The following TM4SF19 variants were observed in gnomAD, a reference collection of about 807,000 sequenced individuals.
TM4SF19 encodes transmembrane 4 L6 family member 19.
A neutral mutation model predicts 21.8 loss-of-function variants in TM4SF19; 17 were observed. The observed-to-expected ratio is 0.78, with a 90% CI of 0.53 to 1.17. TM4SF19 has a LOEUF of 1.17. TM4SF19 is among the 50% of genes most tolerant of loss of function. The probability of loss-of-function intolerance (pLI) is 0.00; values close to 1 mark genes in which losing one functional copy is unlikely to be tolerated. For synonymous variants in TM4SF19, 107 were observed against 106.7 expected (o/e 1.00, Z -0.02); for missense variants, 216 against 252.1 (o/e 0.86, Z 0.97).
chr3:196,325,671 G>A lies in TM4SF19; in HGVS notation c.280-1231C>T, dbSNP rs1727257011. 2 of 152,208 alleles carry A rather than the reference G, an allele frequency of 1.3e-5. No homozygotes were observed. Among genetic ancestry groups the A allele is most frequent in the Non-Finnish European group, 1.5e-5 (1 of 68,046 alleles). The allele number at this position is 152,208 out of a possible 1,614,324, so 9.4% of individuals were successfully genotyped here. A position where few individuals can be genotyped will look rare whatever the true frequency, so the allele number is the denominator to read the frequency against. ...GGGAGGGATCAGACAAAGGTGCATA[G>A]TAAGTTTTGACTCTGAGTTAAAGGA... On this transcript the variant is annotated intron_variant, in intron 3 of 4. Coordinates refer to ENST00000273695, the MANE Select transcript of TM4SF19 (RefSeq NM_138461.4). This position sits in a 1 kb window ranked among gnomAD's most constrained non-coding sequence, Gnocchi z 4.3.
rs756495396 is a variant in TM4SF19 at position 196,324,109 on chromosome 3, A to T, written c.450-112T>A. Reference sequence around the variant, plus strand: ...CTGACCGGGTCATGGGACTGGGCTCATGAGGGTGACCGTTACTGCTCCATT... The same window carrying T: ...CTGACCGGGTCATGGGACTGGGCTCTTGAGGGTGACCGTTACTGCTCCATT... On this transcript the variant is annotated intron_variant, in intron 4 of 4. Coordinates refer to ENST00000273695, the MANE Select transcript of TM4SF19 (RefSeq NM_138461.4). 2.1e-6 allele frequency: 3 copies of T among 1,458,180 alleles called. No individual in the cohort carries two copies. The East Asian group carries it at 7.1e-5, about 35-fold the overall frequency. The allele number at this position is 1,458,180 out of a possible 1,614,324, so 90.3% of individuals were successfully genotyped here. A position where few individuals can be genotyped will look rare whatever the true frequency, so the allele number is the denominator to read the frequency against.
chr3:196,327,631 G>C lies in TM4SF19; in HGVS notation c.-1-40C>G, dbSNP rs920122958. ...AAGGGAGTCGCAGCAGCTCTGCTGTGGGGGGATGGGGAAGGGAACTCCAGC... is the reference window on the plus strand; with the variant it reads ...AAGGGAGTCGCAGCAGCTCTGCTGTCGGGGGATGGGGAAGGGAACTCCAGC... On this transcript the variant is annotated intron_variant, in intron 1 of 4. Transcript: ENST00000273695. The C allele has an allele frequency of 3.9e-6, 6 of 1,552,764 alleles. No homozygotes were observed. In the South Asian group the frequency reaches 5.6e-5, roughly 14 times the overall value.
At chr3:196,338,075 A>C (rs1158439168) in intron 1 of TM4SF19, among the ~76,000 whole-genome samples, 189 bp downstream of exon 1, 1 of 152,226 alleles carries the variant, frequency 6.6e-6, no homozygotes, top group Non-Finnish European at 1.5e-5. Flanking sequence ...GATACTAGGC[A>C]GGAAGAGTAT....
chr3:196,324,163 G>T, intron 4 of TM4SF19, 108 bp downstream of exon 4: 1 of 1,459,422 alleles, frequency 6.9e-7, no homozygotes, highest in Non-Finnish European at 9.5e-7. Context: ...AGAGGAGCAA[G>T]ATGCTAGGAT....
chr3:196,326,116 A>C (rs1347392026), intron 3 of TM4SF19, among the ~76,000 whole-genome samples: 2 of 152,042 alleles, frequency 1.3e-5, no homozygotes, highest in African/African-American at 4.8e-5. Flanking sequence ...CTGGGATTAC[A>C]GGCGCCCACC....
chr3:196,331,298 CAT>C (rs140862125), intron 1 of TM4SF19, among the ~76,000 whole-genome samples: 1 of 148,962 alleles, frequency 6.7e-6, no homozygotes, highest in African/African-American at 2.5e-5. Context: ...TATATATATA[CAT>C]ATATATATGA....
intron 1 of TM4SF19, among the ~76,000 whole-genome samples, chr3:196,329,957 T>C (rs1553845402): frequency 8.0e-6 from 1 of 125,748 alleles, no homozygotes; most frequent in Non-Finnish European, 1.7e-5. Context: ...CTGCAACCTC[T>C]GCCTCCTGGG....
At chr3:196,337,536 G>C (rs531316932) in intron 1 of TM4SF19, among the ~76,000 whole-genome samples, 1 of 152,194 alleles carries the variant, frequency 6.6e-6, no homozygotes, top group Non-Finnish European at 1.5e-5. Context: ...TCTACACTAA[G>C]AAGCAAAATG....
chr3:196,324,863 C>T (rs945696761), intron 3 of TM4SF19: 3 of 156,026 alleles, frequency 1.9e-5, no homozygotes, highest in African/African-American at 7.2e-5. Flanking sequence ...TTCAAAAGTT[C>T]CAGGTTCCCA....
chr3:196,324,179 A>T, intron 4 of TM4SF19, 92 bp downstream of exon 4: 2 of 1,507,394 alleles, frequency 1.3e-6, no homozygotes, highest in South Asian at 1.2e-5. Flanking sequence ...AGGATGTGTG[A>T]CCCAAAGGAG....
chr3:196,325,031 A>G lies in TM4SF19; in HGVS notation c.280-591T>C, dbSNP rs1727229815. On this transcript the variant is annotated intron_variant, in intron 3 of 4. Coordinates refer to ENST00000273695, the MANE Select transcript of TM4SF19 (RefSeq NM_138461.4). The surrounding 1 kb of genome is among the most constrained non-coding windows in gnomAD (Gnocchi z 4.3). Reference sequence around the variant, plus strand: ...GAAGCTGCAGCCAAGCTCTGAAATGACTCCACTTCTGTCGCTGTGTTTCTC... The same window carrying G: ...GAAGCTGCAGCCAAGCTCTGAAATGGCTCCACTTCTGTCGCTGTGTTTCTC... 9 of 152,104 alleles carry G rather than the reference A, an allele frequency of 5.9e-5. No individual in the cohort carries two copies. The highest frequency in any genetic ancestry group is 5.9e-4 in the Admixed American group (9 of 15,248). 9.4% of individuals were successfully genotyped at this position (152,104 alleles called of 1,614,324 possible).
chr3:196,332,196 G>A (rs986525443), intron 1 of TM4SF19, among the ~76,000 whole-genome samples: 46 of 151,684 alleles, frequency 3.0e-4, no homozygotes, highest in African/African-American at 1.0e-3. Context: ...GCGTGAACCT[G>A]GGGGGCTGAG....
At chr3:196,336,303 T>A (rs567296271) in intron 1 of TM4SF19, among the ~76,000 whole-genome samples, 2 of 152,198 alleles carry the variant, frequency 1.3e-5, no homozygotes, top group African/African-American at 4.8e-5. Context: ...TACGCCCGGC[T>A]AATTTTGTAT....
At chr3:196,332,975 G>A (rs551215614) in intron 1 of TM4SF19, among the ~76,000 whole-genome samples, 13 of 150,504 alleles carry the variant, frequency 8.6e-5, no homozygotes, top group African/African-American at 2.2e-4. Flanking sequence ...TCAGTCTCTC[G>A]GATAGCTGAG....
At chr3:196,324,657 G>C in intron 3 of TM4SF19, 4 of 557,254 alleles carry the variant, frequency 7.2e-6, no homozygotes. Context: ...TGGTGGGGAG[G>C]CCGTGAGGGG....
chr3:196,334,513 G>A (rs1206446580), intron 1 of TM4SF19, among the ~76,000 whole-genome samples: 2 of 151,768 alleles, frequency 1.3e-5, no homozygotes, highest in African/African-American at 4.8e-5. Context: ...GAGTGCAGTG[G>A]CGCGATCTCA....
rs1434156542 is a variant in TM4SF19, at chr3:196,327,501, A to G, written c.90T>C (p.Ala30=). The stretch of plus-strand genomic sequence containing the variant: ...GAAGGAGGAGTGCCACGTTGGCCCC[A>G]GCAGCAAACAGGGCTGCAGTCCCAA... ...LSLGTAALFA[A]GANVALLLPN... is the part of the protein sequence containing the mutation. Residue 30 remains alanine (A), a synonymous_variant, in exon 2 of 5, where the codon GCT becomes GCC. Transcript: ENST00000273695. 6 of 1,614,156 alleles carry G rather than the reference A, an allele frequency of 3.7e-6. No homozygotes were observed. Among genetic ancestry groups the G allele is most frequent in the Non-Finnish European group, 4.2e-6 (5 of 1,180,044 alleles).
chr3:196,329,342 T>A lies in TM4SF19; in HGVS notation c.-1-1751A>T, dbSNP rs545525285. 2.0e-4 allele frequency among the ~76,000 whole-genome samples: 25 copies of A among 127,220 alleles called. 5 individuals are homozygous for A. The Middle Eastern group carries it at 0.019, about 97-fold the overall frequency. The allele number at this position is 127,220 out of a possible 152,430, so 83.5% of individuals were successfully genotyped here. A position where few individuals can be genotyped will look rare whatever the true frequency, so the allele number is the denominator to read the frequency against. ...ATGCAAAACAAAACTGCCTTCACTA[T>A]TACTTCACAACATATTCAAAAATTC... On this transcript the variant is annotated intron_variant, in intron 1 of 4. Transcript: ENST00000273695.
chr3:196,332,179 T>G (rs1577410409), intron 1 of TM4SF19, among the ~76,000 whole-genome samples: 2 of 150,752 alleles, frequency 1.3e-5, no homozygotes, highest in South Asian at 2.1e-4. Context: ...GCTGAGGCAG[T>G]AGAATGGCGT....
Sources: gnomAD v4.1 joint callset for allele counts (sites outside exome capture counted in the v4.1 genomes callset) on GRCh38, gnomAD v4.1.1 for gene constraint, Gnocchi (gnomAD v3.1) non-coding constraint, MANE v1.5 for transcripts, NCBI Gene and HGNC (gene_info 2026-07-23, HGNC 2026-07-21) for gene names.